P2RX1: variants seen among roughly 807,000 people sequenced by gnomAD.
P2RX1 encodes purinergic receptor P2X 1, also known as P2X purinoceptor 1.
A neutral mutation model predicts 50.3 loss-of-function variants in P2RX1; 42 were observed. The ratio of observed to expected loss-of-function variants is 0.83; its 90% confidence interval spans 0.65 to 1.08. The LOEUF is 1.08. Among genes scored for constraint, P2RX1 ranks in the 50% least tolerant of loss-of-function variants. The pLI is 0.00. For missense variants in P2RX1, 449 were observed against 529.0 expected (o/e 0.85, Z 1.48); for synonymous variants, 199 against 202.6 (o/e 0.98, Z 0.15).
chr17:3,904,054 T>TCCTCTGTTTAGTGCAG, intron 4 of P2RX1, 30 bp from the exon 5 acceptor site: 1 of 1,575,548 alleles, frequency 6.3e-7, no homozygotes, highest in Non-Finnish European at 8.7e-7. Flanking sequence ...CCTGGGTGCC[T>TCCTCTGTTTAGTGCAG]GCACTAAACA....
At position 3,904,843 on chromosome 17, in the gene P2RX1, G is replaced by A. The variant is rs774434230; in HGVS notation, c.357+15C>T. The A allele has an allele frequency of 7.0e-6, 11 of 1,580,278 alleles. No individual in the cohort carries two copies. The highest frequency in any genetic ancestry group is 9.5e-6 in the Non-Finnish European group (11 of 1,161,248). Reference sequence around the variant, plus strand: ...TGTGAGTCCCAGAAGGGGGCTGGCGGGCAGAAGTCCTCACCTCTGCGCAGT... The same window carrying A: ...TGTGAGTCCCAGAAGGGGGCTGGCGAGCAGAAGTCCTCACCTCTGCGCAGT... On this transcript the variant is annotated intron_variant, in intron 3 of 11. Transcript: ENST00000225538.
intron 1 of P2RX1, 164 bp downstream of exon 1, chr17:3,915,925 C>T (rs1388791765): frequency 1.8e-5 from 16 of 875,372 alleles, no homozygotes; most frequent in Non-Finnish European, 2.8e-5. Flanking sequence ...ATCTCAACAG[C>T]GAGTTGGCAG....
At position 3,899,650 on chromosome 17, in the gene P2RX1, G is replaced by A. The variant is rs750326713; in HGVS notation, c.859C>T (p.Pro287Ser). The change falls in exon 8 of 12, where the codon CCA (proline) becomes TCA (serine). Residue 287 changes from proline to serine, a missense_variant. By Grantham distance (74) the Pro-to-Ser change is moderately conservative. Transcript: ENST00000225538. ...HGLYEEKNLS[P>S]GFNFRFARHF... Reference sequence around the variant, plus strand: ...GGCAGACACCTGAAGTTGAAGCCTGGGGAGAGATTTTTCTCTTCGTACAGC... The same window carrying A: ...GGCAGACACCTGAAGTTGAAGCCTGAGGAGAGATTTTTCTCTTCGTACAGC... 3.7e-6 allele frequency: 6 copies of A among 1,613,560 alleles called. No homozygotes were observed. The Admixed American group carries it at 8.3e-5, about 22-fold the overall frequency.
intron 7 of P2RX1, among the ~76,000 whole-genome samples, chr17:3,902,946 A>G (rs1347380781): frequency 7.0e-6 from 1 of 141,968 alleles, no homozygotes. Flanking sequence ...TTTTTAAAGC[A>G]GGGCATCAAC....
At chr17:3,898,139 C>T (rs769288258) in intron 10 of P2RX1, 29 bp from the exon 11 acceptor site, 17 of 1,587,706 alleles carry the variant, frequency 1.1e-5, no homozygotes, top group Admixed American at 3.3e-5. Context: ...ACGGAGACAG[C>T]GTGGGAATCC....
chr17:3,903,531 TG>T lies in P2RX1; in HGVS notation c.605+19del. ...GGCCCCGGCCAGCTGCCTGCATTTC[TG>T]CCCGAATTTCCCACGCACCTGTTGA... is the stretch of plus-strand genomic sequence containing the variant. On this transcript the variant is annotated intron_variant, in intron 6 of 11. Coordinates refer to ENST00000225538, the MANE Select transcript of P2RX1 (RefSeq NM_002558.4). This position sits in a 1 kb window ranked among gnomAD's most constrained non-coding sequence, Gnocchi z 4.6. 1 of 1,613,426 alleles carries T rather than the reference TG, an allele frequency of 6.2e-7. No homozygotes were observed. Among genetic ancestry groups the T allele is most frequent in the African/African-American group, 1.3e-5 (1 of 75,058 alleles).
chr17:3,898,890 G>T, intron 9 of P2RX1, 44 bp downstream of exon 9: 2 of 1,471,400 alleles, frequency 1.4e-6, no homozygotes, highest in South Asian at 1.1e-5. Flanking sequence ...CACAGGAGCT[G>T]AGAATGTGTC....
intron 1 of P2RX1, among the ~76,000 whole-genome samples, chr17:3,908,042 C>T (rs181050007): frequency 5.4e-4 from 83 of 152,330 alleles, no homozygotes; most frequent in Middle Eastern, 6.8e-3. Flanking sequence ...GCAGGAGTGG[C>T]GGTCTCAAGT....
Position 3,903,720 on chromosome 17 carries a change from AGCCTCCG to A in P2RX1, c.525-96_525-90del. On this transcript the variant is annotated intron_variant, in intron 5 of 11. Coordinates refer to ENST00000225538, the MANE Select transcript of P2RX1 (RefSeq NM_002558.4). This position sits in a 1 kb window ranked among gnomAD's most constrained non-coding sequence, Gnocchi z 4.6. Reference sequence around the variant, plus strand: ...GCTTGGCACAGCAGGGGGTGGGCCGAGCCTCCGGGACCCGCCTGCAGCCCTGGGCTGG... The same window carrying A: ...GCTTGGCACAGCAGGGGGTGGGCCGAGGACCCGCCTGCAGCCCTGGGCTGG... The A allele has an allele frequency of 7.1e-7, 1 of 1,417,522 alleles. No homozygotes were observed. The highest frequency in any genetic ancestry group is 1.7e-5 in the Admixed American group (1 of 58,296). The allele number at this position is 1,417,522 out of a possible 1,614,324, so 87.8% of individuals were successfully genotyped here.
intron 7 of P2RX1, among the ~76,000 whole-genome samples, chr17:3,901,124 G>A (rs932282918): frequency 6.6e-6 from 1 of 152,222 alleles, no homozygotes; most frequent in African/African-American, 2.4e-5. Flanking sequence ...CTGGAGTGCA[G>A]TGGCACGATC....
chr17:3,910,674 C>T (rs1385939105), intron 1 of P2RX1, among the ~76,000 whole-genome samples: 3 of 152,160 alleles, frequency 2.0e-5, no homozygotes, highest in Admixed American at 6.5e-5. Context: ...CCAGATGGGG[C>T]GTGTGCTGTC....
At chr17:3,903,000 G>A (rs1243698589) in intron 7 of P2RX1, among the ~76,000 whole-genome samples, 2 of 151,542 alleles carry the variant, frequency 1.3e-5, no homozygotes, top group South Asian at 4.2e-4. Context: ...TTCATTCTGG[G>A]CACCTCCTTC....
At chr17:3,913,708 C>T (rs2056402081) in intron 1 of P2RX1, among the ~76,000 whole-genome samples, 1 of 152,244 alleles carries the variant, frequency 6.6e-6, no homozygotes. Flanking sequence ...TGTGTCCACC[C>T]ATCCCCCACC....
In P2RX1 at chr17:3,903,511, C is replaced by T. The variant is rs368603364; in HGVS notation, c.605+40G>A. The stretch of plus-strand genomic sequence containing the variant: ...CAGCTGAGAGCTGCCGGAGCGGCCC[C>T]GGCCAGCTGCCTGCATTTCTGCCCG... On this transcript the variant is annotated intron_variant, in intron 6 of 11. Transcript: ENST00000225538. The surrounding 1 kb of genome is among the most constrained non-coding windows in gnomAD (Gnocchi z 4.6). 37 of 1,606,078 alleles carry T rather than the reference C, an allele frequency of 2.3e-5. No individual in the cohort carries two copies. Among genetic ancestry groups the T allele is most frequent in the Admixed American group, 1.3e-4 (8 of 59,996 alleles).
chr17:3,904,420 T>A, intron 3 of P2RX1, 21 bp from the exon 4 acceptor site: 1 of 1,609,706 alleles, frequency 6.2e-7, no homozygotes, highest in South Asian at 1.1e-5. Context: ...CAAAAGCTGC[T>A]GGTCCCAGGC....
chr17:3,903,349 G>C lies in P2RX1; in HGVS notation c.606-6C>G, dbSNP rs1406560298. The C allele has an allele frequency of 6.2e-7, 1 of 1,613,862 alleles. No individual in the cohort carries two copies. The highest frequency in any genetic ancestry group is 1.3e-5 in the African/African-American group (1 of 74,922). ...CCTCCTCCACCAGGTTGCGCCTGTG[G>C]GGGTGGAAGGTGTTGACAGCTGCTG... On this transcript the variant is annotated splice_region_variant and splice_polypyrimidine_tract_variant and intron_variant, in intron 6 of 11. Transcript: ENST00000225538. The surrounding 1 kb of genome is among the most constrained non-coding windows in gnomAD (Gnocchi z 4.6).
intron 1 of P2RX1, among the ~76,000 whole-genome samples, chr17:3,913,667 T>C (rs7207182): frequency 0.68 from 103,724 of 152,132 alleles, 35,678 homozygotes; most frequent in East Asian, 0.94. Flanking sequence ...AGTTGTGCTC[T>C]GGCGTTTGTC....
In P2RX1 at chr17:3,916,323, G is replaced by A. The variant is rs1027645345; in HGVS notation, c.-98C>T. ...CCCACGTCGATGGTAGAGCTTCTGG[G>A]GGCTTCCTGGCCCCTTAGGAAGAGC... On this transcript the variant is annotated 5_prime_UTR_variant, in exon 1 of 12. Transcript: ENST00000225538. 3 of 1,394,386 alleles carry A rather than the reference G, an allele frequency of 2.2e-6. No individual in the cohort carries two copies. Among genetic ancestry groups the A allele is most frequent in the Non-Finnish European group, 3.0e-6 (3 of 1,008,082 alleles). The allele number at this position is 1,394,386 out of a possible 1,614,324, so 86.4% of individuals were successfully genotyped here.
In P2RX1 at chr17:3,897,543, G is replaced by A. The variant is rs530767364; in HGVS notation, c.*271C>T. 3.5e-6 allele frequency: 2 copies of A among 570,780 alleles called. No individual in the cohort carries two copies. The highest frequency in any genetic ancestry group is 3.0e-5 in the East Asian group (1 of 33,720). 35.4% of individuals were successfully genotyped at this position (570,780 alleles called of 1,614,324 possible). A position where few individuals can be genotyped will look rare whatever the true frequency, so the allele number is the denominator to read the frequency against. On this transcript the variant is annotated 3_prime_UTR_variant, in exon 12 of 12. Transcript: ENST00000225538. ...AGAAGCACGAAGCTAGGGTGCAGGT[G>A]TGTGGGAGGGTCCTGCCCAGCCCCA...
Sources: gnomAD v4.1 joint callset for allele counts (sites outside exome capture counted in the v4.1 genomes callset) on GRCh38, gnomAD v4.1.1 for gene constraint, Gnocchi (gnomAD v3.1) non-coding constraint, MANE v1.5 for transcripts, NCBI Gene and HGNC (gene_info 2026-07-23, HGNC 2026-07-21) for gene names.